The following CLRN1 variants were observed in gnomAD, a reference collection of about 807,000 sequenced individuals.
The protein encoded by CLRN1 is clarin 1, also known as clarin-1.
In CLRN1, 15 loss-of-function variants were observed where a neutral mutation model predicts 18.7. The ratio of observed to expected loss-of-function variants is 0.80; its 90% confidence interval spans 0.54 to 1.23. The LOEUF (loss-of-function observed/expected upper bound fraction) is 1.23. Among genes scored for constraint, CLRN1 ranks in the 50% most tolerant of loss-of-function variants. The pLI is 0.00. For synonymous variants in CLRN1, 104 were observed against 102.9 expected (o/e 1.01, Z -0.07); for missense variants, 311 against 277.5 (o/e 1.12, Z -0.86).
intron 2 of CLRN1, chr3:150,940,448 G>T: frequency 6.5e-7 from 1 of 1,530,118 alleles, no homozygotes; most frequent in South Asian, 1.2e-5. Flanking sequence ...AATTGTATGA[G>T]AGAAGGGAGT....
At chr3:150,945,505 T>C (rs1186094173) in intron 1 of CLRN1, 2 of 1,285,702 alleles carry the variant, frequency 1.6e-6, no homozygotes, top group Admixed American at 4.6e-5. Context: ...CTGGATGTAA[T>C]TAACTAACTA....
chr3:150,969,826 A>T (rs1310778784), intron 1 of CLRN1, among the ~76,000 whole-genome samples: 2 of 152,068 alleles, frequency 1.3e-5, no homozygotes, highest in African/African-American at 2.4e-5. Context: ...CAAAAAAAAA[A>T]TTAGCTGGGC....
intron 2 of CLRN1, among the ~76,000 whole-genome samples, chr3:150,929,662 T>A (rs1193073030): frequency 6.6e-6 from 1 of 152,236 alleles, no homozygotes; most frequent in Non-Finnish European, 1.5e-5. Context: ...CATATGGTTT[T>A]TATGGATTCC....
chr3:150,972,276 A>C (rs572694650), intron 1 of CLRN1, among the ~76,000 whole-genome samples, 180 bp downstream of exon 1: 1 of 152,360 alleles, frequency 6.6e-6, no homozygotes, highest in East Asian at 1.9e-4. Flanking sequence ...ATAAAAAGCA[A>C]GTATAAAATA....
intron 1 of CLRN1, among the ~76,000 whole-genome samples, chr3:150,965,782 G>A (rs1005994700): frequency 2.7e-5 from 4 of 150,404 alleles, no homozygotes; most frequent in Non-Finnish European, 5.9e-5. Context: ...TTAAAGGGAA[G>A]GAAGGTATAT....
chr3:150,946,409 G>T (rs944206793), intron 1 of CLRN1, among the ~76,000 whole-genome samples: 1 of 152,116 alleles, frequency 6.6e-6, no homozygotes, highest in Non-Finnish European at 1.5e-5. Context: ...ACTGGCATGT[G>T]TGTCTAGGCA....
At chr3:150,963,208 C>T (rs1313743316) in intron 1 of CLRN1, among the ~76,000 whole-genome samples, 3 of 152,180 alleles carry the variant, frequency 2.0e-5, no homozygotes, top group Admixed American at 2.0e-4. Context: ...TAAGCAACTT[C>T]GGCAAAGTCT....
chr3:150,932,909 G>A (rs1488125781), intron 2 of CLRN1, among the ~76,000 whole-genome samples: 1 of 152,164 alleles, frequency 6.6e-6, no homozygotes, highest in Non-Finnish European at 1.5e-5. Context: ...TGTAGATGAA[G>A]GAATAACACC....
intron 1 of CLRN1, chr3:150,945,455 G>C (rs1714112617): frequency 8.0e-7 from 1 of 1,242,832 alleles, no homozygotes; most frequent in African/African-American, 1.5e-5. Context: ...GGGGCCAGGA[G>C]AGAAAGTTTC....
At chr3:150,955,189 C>T (rs1370157541) in intron 1 of CLRN1, among the ~76,000 whole-genome samples, 2 of 152,110 alleles carry the variant, frequency 1.3e-5, no homozygotes, top group Non-Finnish European at 2.9e-5. Context: ...CTGGAAAAAG[C>T]AAAATGATAA....
chr3:150,961,505 C>T (rs1271083097), intron 1 of CLRN1, among the ~76,000 whole-genome samples: 2 of 152,198 alleles, frequency 1.3e-5, no homozygotes, highest in Non-Finnish European at 2.9e-5. Context: ...GCAGAAAAGG[C>T]CATCTGTGAA....
intron 1 of CLRN1, among the ~76,000 whole-genome samples, chr3:150,959,750 A>G (rs530584581): frequency 6.6e-6 from 1 of 152,110 alleles, no homozygotes; most frequent in South Asian, 2.1e-4. Flanking sequence ...TGATATTTCT[A>G]AATGTATGGC....
At chr3:150,963,718 C>G (rs1284183936) in intron 1 of CLRN1, among the ~76,000 whole-genome samples, 1 of 152,076 alleles carries the variant, frequency 6.6e-6, no homozygotes, top group African/African-American at 2.4e-5. Context: ...AAAACAGATA[C>G]AGAGACCAAT....
chr3:150,953,773 C>T (rs1422301301), intron 1 of CLRN1, among the ~76,000 whole-genome samples: 1 of 152,188 alleles, frequency 6.6e-6, no homozygotes, highest in African/African-American at 2.4e-5. Context: ...CCACCTCGGC[C>T]TCCCACAGTG....
intron 1 of CLRN1, among the ~76,000 whole-genome samples, chr3:150,958,938 C>T (rs889089546): frequency 3.3e-5 from 5 of 152,306 alleles, no homozygotes; most frequent in South Asian, 2.1e-4. Context: ...TTCTCTGTTA[C>T]GGTAACTGTC....
rs908875883 is a variant in CLRN1, at chr3:150,965,049, T to TA, written c.253+7406dup. On this transcript the variant is annotated intron_variant, in intron 1 of 2. Coordinates refer to ENST00000327047, the MANE Select transcript of CLRN1 (RefSeq NM_174878.3). ...ATGTATTTCAGAATTTAAAGTATAATAAAAAAAACTTTAAAAAAGATAGTG... is the reference window on the plus strand; with the variant it reads ...ATGTATTTCAGAATTTAAAGTATAATAAAAAAAAACTTTAAAAAAGATAGTG... Among the ~76,000 whole-genome samples the TA allele has an allele frequency of 2.0e-5, 3 of 152,044 alleles. No individual in the cohort carries two copies. In the East Asian group the frequency reaches 5.8e-4, roughly 29 times the overall value.
At chr3:150,941,838 C>T (rs1211807727) in intron 1 of CLRN1, 77 bp from the exon 2 acceptor site, 3 of 1,308,920 alleles carry the variant, frequency 2.3e-6, no homozygotes, top group African/African-American at 1.5e-5. Context: ...AAAATCAAAT[C>T]TCTCTTTTTT....
chr3:150,945,335 G>C (rs945126858), intron 1 of CLRN1, among the ~76,000 whole-genome samples: 11 of 152,180 alleles, frequency 7.2e-5, no homozygotes, highest in African/African-American at 2.7e-4. Context: ...CCATGAGTGA[G>C]ACAGCAGGGA....
At chr3:150,966,309 G>A (rs1367002185) in intron 1 of CLRN1, among the ~76,000 whole-genome samples, 1 of 152,204 alleles carries the variant, frequency 6.6e-6, no homozygotes, top group Admixed American at 6.5e-5. Flanking sequence ...GTGAGACCCA[G>A]TCTCAAAACA....
Sources: gnomAD v4.1 joint callset for allele counts (sites outside exome capture counted in the v4.1 genomes callset) on GRCh38, gnomAD v4.1.1 for gene constraint, MANE v1.5 for transcripts, NCBI Gene and HGNC (gene_info 2026-07-23, HGNC 2026-07-21) for gene names.